Variants in ABCA12 observed in about 807,000 individuals in gnomAD.
ABCA12 encodes the protein ATP binding cassette subfamily A member 12.
In ABCA12, 156 loss-of-function variants were observed where a neutral mutation model predicts 293.5. The ratio of observed to expected loss-of-function variants is 0.53; its 90% CI spans 0.47 to 0.61. The LOEUF is 0.61. Among genes scored for constraint, ABCA12 ranks in the 20% least tolerant of loss-of-function variants. The pLI is 0.00. For synonymous variants in ABCA12, 1,063 were observed against 1,108.0 expected, an observed-to-expected ratio of 0.96 and a Z score of 0.81; for missense variants, 2,797 against 3,090.2, an observed-to-expected ratio of 0.91 and a Z score of 2.25.
chr2:215,085,650 AC>A (rs990490572), intron 2 of ABCA12, among the ~76,000 whole-genome samples: 1 of 152,202 alleles, frequency 6.6e-6, no homozygotes, highest in Non-Finnish European at 1.5e-5. Context: ...TTTTAGCTTT[AC>A]GTACACAAGG....
intron 5 of ABCA12, among the ~76,000 whole-genome samples, chr2:215,050,217 C>T (rs1349244251): frequency 6.6e-6 from 1 of 152,120 alleles, no homozygotes; most frequent in Non-Finnish European, 1.5e-5. Flanking sequence ...TGGTTGTGAT[C>T]TTTGGAAGAT....
chr2:214,953,891 G>A lies in ABCA12; in HGVS notation c.6610C>T (p.Arg2204Ter), dbSNP rs137853289. 20 of 1,613,598 alleles carry A rather than the reference G, an allele frequency of 1.2e-5. No individual in the cohort carries two copies. Among genetic ancestry groups the A allele is most frequent in the Non-Finnish European group, 1.6e-5 (19 of 1,179,898 alleles). Residue 2204 changes from arginine to a stop codon, truncating the protein, a stop_gained, in exon 44 of 53, where the codon CGA becomes TGA. Transcript: ENST00000272895. LOFTEE classifies it high-confidence loss of function. ...ATCAGGGATTCGTTGATTAAGAGTC[G>A]CAAGGAAAAAAACATGGTGCCCTGA... The part of the protein sequence containing the change: ...VSQGTMFFSL[R>*]LLINESLIKK...
At position 215,123,514 on chromosome 2, in the gene ABCA12, G is replaced by C. The variant is rs918680246; in HGVS notation, c.70-11824C>G. Among the ~76,000 whole-genome samples, 111 of 152,104 alleles carry C rather than the reference G, an allele frequency of 7.3e-4. 7 individuals are homozygous for C. Among genetic ancestry groups the C allele is most frequent in the Non-Finnish European group, 5.9e-5 (4 of 68,012 alleles). On this transcript the variant is annotated intron_variant, in intron 1 of 52. Coordinates refer to ENST00000272895, the MANE Select transcript of ABCA12 (RefSeq NM_173076.3). ...CAATGAACTGTTGGCGGACACTTAG[G>C]TTGTTTCCATGACTTTGCTATTGTA...
chr2:215,058,447 GGAGA>G (rs1345881292), intron 3 of ABCA12, among the ~76,000 whole-genome samples: 2 of 151,962 alleles, frequency 1.3e-5, no homozygotes, highest in African/African-American at 4.8e-5. Flanking sequence ...AACCAAATCA[GGAGA>G]GATAAAAATC....
chr2:215,047,402 C>A (rs1701225042), intron 6 of ABCA12, among the ~76,000 whole-genome samples: 1 of 152,090 alleles, frequency 6.6e-6, no homozygotes, highest in African/African-American at 2.4e-5. Flanking sequence ...GCTACAGTAA[C>A]CAAAACAGCA....
intron 26 of ABCA12, among the ~76,000 whole-genome samples, chr2:214,988,488 T>G (rs1468079872): frequency 6.6e-6 from 1 of 152,216 alleles, no homozygotes; most frequent in Non-Finnish European, 1.5e-5. Context: ...TTCACAGATC[T>G]TACATAAATG....
rs1699721089 is a variant in ABCA12 at position 214,983,706 on chromosome 2, T to C, written c.4323A>G (p.Leu1441=). Residue 1441 remains leucine, a synonymous_variant, in exon 29 of 53, where the codon CTA becomes CTG. Coordinates refer to ENST00000272895, the MANE Select transcript of ABCA12 (RefSeq NM_173076.3). ...AGTGAGGAACTTTGATGGAACCATA[T>C]AGGAGAAGGTGCTCCTTAGTAGTGA... The part of the protein sequence containing the change: ...SYLTTKEHLL[L]YGSIKVPHWT... 1 of 1,614,116 alleles carries C rather than the reference T, an allele frequency of 6.2e-7. No homozygotes were observed. The highest frequency in any genetic ancestry group is 1.3e-5 in the African/African-American group (1 of 75,022).
intron 9 of ABCA12, chr2:215,030,297 A>C (rs1700843320): frequency 6.6e-6 from 1 of 152,194 alleles, no homozygotes; most frequent in African/African-American, 2.4e-5. Flanking sequence ...AATGTGTTTA[A>C]AAGACATGAC....
At position 214,991,450 on chromosome 2, in the gene ABCA12, G is replaced by C. The variant is rs555370432; in HGVS notation, c.3295-419C>G. Among the ~76,000 whole-genome samples, 148 of 152,242 alleles carry C rather than the reference G, an allele frequency of 9.7e-4. 2 individuals are homozygous for C. Among genetic ancestry groups the C allele is most frequent in the Non-Finnish European group, 1.3e-3 (87 of 68,022 alleles). On this transcript the variant is annotated intron_variant, in intron 23 of 52. Transcript: ENST00000272895. ...AAACCATGGCTTAACTATTAGTTCA[G>C]TGTAGAGACTGAGCTCATAAAAATC...
chr2:215,105,597 A>G (rs1034981686), intron 2 of ABCA12, among the ~76,000 whole-genome samples: 8 of 135,260 alleles, frequency 5.9e-5, no homozygotes, highest in East Asian at 5.9e-4. Flanking sequence ...ACACACACAC[A>G]CACGCACACA....
chr2:215,138,108 G>A, intron 1 of ABCA12, 32 bp downstream of exon 1: 1 of 1,603,222 alleles, frequency 6.2e-7, no homozygotes, highest in Non-Finnish European at 8.5e-7. Context: ...ATTGCCCCAT[G>A]ACCCATACTC....
intron 9 of ABCA12, among the ~76,000 whole-genome samples, chr2:215,030,696 T>A (rs1387584747): frequency 1.3e-5 from 2 of 151,948 alleles, no homozygotes; most frequent in African/African-American, 2.4e-5. Flanking sequence ...GAGAAGCACC[T>A]GGGTCAGCCA....
chr2:215,011,359 CA>C, intron 17 of ABCA12, 79 bp downstream of exon 17: 1 of 1,071,394 alleles, frequency 9.3e-7, no homozygotes, highest in Non-Finnish European at 1.4e-6. Flanking sequence ...CTTCATTTAT[CA>C]TAAAAAACTA....
At chr2:214,938,918 T>TATGC (rs1698309152) in intron 50 of ABCA12, among the ~76,000 whole-genome samples, 1 of 152,216 alleles carries the variant, frequency 6.6e-6, no homozygotes, top group South Asian at 2.1e-4. Flanking sequence ...GCCTGTTCAC[T>TATGC]CTGATGATAG....
At chr2:215,045,784 T>A (rs1166552178) in intron 7 of ABCA12, 53 bp downstream of exon 7, 15 of 1,535,950 alleles carry the variant, frequency 9.8e-6, no homozygotes, top group Non-Finnish European at 1.3e-5. Flanking sequence ...AACATTTTTT[T>A]AAACACTTCT....
chr2:214,972,685 AGCCACT>A (rs1441356534), intron 36 of ABCA12, among the ~76,000 whole-genome samples: 2 of 152,172 alleles, frequency 1.3e-5, no homozygotes, highest in South Asian at 4.1e-4. Context: ...TACAGGCATG[AGCCACT>A]GCACCTGGCC....
At chr2:215,079,173 A>G (rs1337470091) in intron 2 of ABCA12, among the ~76,000 whole-genome samples, 5 of 152,170 alleles carry the variant, frequency 3.3e-5, no homozygotes, top group Admixed American at 6.6e-5. Context: ...TAAAATCGCA[A>G]CCCTCATACC....
At chr2:215,103,219 T>TGGCAAG (rs554641365) in intron 2 of ABCA12, among the ~76,000 whole-genome samples, 121 of 151,894 alleles carry the variant, frequency 8.0e-4, no homozygotes, top group South Asian at 5.0e-3. Flanking sequence ...TATGTGATGA[T>TGGCAAG]GGCAAGAATA....
chr2:215,053,856 C>G (rs534003936), intron 4 of ABCA12, among the ~76,000 whole-genome samples: 1 of 152,148 alleles, frequency 6.6e-6, no homozygotes, highest in South Asian at 2.1e-4. Flanking sequence ...GAATGTTAGC[C>G]AGTCGTGCTG....
Sources: gnomAD v4.1 joint callset for allele counts (sites outside exome capture counted in the v4.1 genomes callset) on GRCh38, gnomAD v4.1.1 for gene constraint, MANE v1.5 for transcripts, NCBI Gene and HGNC (gene_info 2026-07-23, HGNC 2026-07-21) for gene names.